The following ANKS1B variants were observed in gnomAD, a reference collection of about 807,000 sequenced individuals.
ANKS1B encodes ankyrin repeat and sterile alpha motif domain containing 1B, also known as ankyrin repeat and sterile alpha motif domain-containing protein 1B.
ANKS1B carries 36 observed loss-of-function variants against 148.3 expected under a neutral mutation model. The observed-to-expected ratio is 0.24, with a 90% CI of 0.19 to 0.32. The LOEUF is 0.32. ANKS1B is among the 10% of genes least tolerant of loss of function. The pLI is 1.00. For synonymous variants in ANKS1B, 542 were observed against 560.8 expected (o/e 0.97, Z 0.47); for missense variants, 1,157 against 1,542.6 (o/e 0.75, Z 4.19).
At chr12:99,673,883 A>T (rs1361280705) in intron 8 of ANKS1B, among the ~76,000 whole-genome samples, 1 of 151,700 alleles carries the variant, frequency 6.6e-6, no homozygotes, top group Non-Finnish European at 1.5e-5. Context: ...AGAACTCAAG[A>T]TCAGCTCAAA....
chr12:99,891,276 A>G (rs78721776), intron 1 of ANKS1B, among the ~76,000 whole-genome samples: 1 of 152,262 alleles, frequency 6.6e-6, no homozygotes, highest in East Asian at 1.9e-4. Context: ...CAATGCCAAA[A>G]TTTATTATTG....
intron 12 of ANKS1B, among the ~76,000 whole-genome samples, chr12:99,327,985 T>A (rs937035132): frequency 6.6e-6 from 1 of 152,014 alleles, no homozygotes; most frequent in African/African-American, 2.4e-5. Flanking sequence ...TACATACAGA[T>A]GAATAAATTT....
intron 11 of ANKS1B, among the ~76,000 whole-genome samples, chr12:99,413,168 T>A (rs2094776070): frequency 1.3e-5 from 2 of 152,230 alleles, no homozygotes; most frequent in Non-Finnish European, 2.9e-5. Context: ...GTTGTCTCAT[T>A]GAAGCCTATA....
intron 1 of ANKS1B, among the ~76,000 whole-genome samples, chr12:99,837,774 T>C (rs1466410789): frequency 6.6e-6 from 1 of 152,154 alleles, no homozygotes; most frequent in Non-Finnish European, 1.5e-5. Context: ...TATAATAAAG[T>C]GGAGACATTT....
intron 9 of ANKS1B, among the ~76,000 whole-genome samples, chr12:99,546,733 T>C (rs1029246590): frequency 1.2e-4 from 19 of 152,070 alleles, no homozygotes; most frequent in Admixed American, 5.9e-4. Flanking sequence ...GTGAAAGAAA[T>C]CAGATGGAGT....
Position 99,379,599 on chromosome 12 carries a change from A to C in ANKS1B, c.1756+20032T>G, listed in dbSNP as rs533321647. On this transcript the variant is annotated intron_variant, in intron 12 of 26. Transcript: ENST00000683438. Reference sequence around the variant, plus strand: ...CTCTCAAATTACTGGGAGTTCAAAAATGAATCTTGTTGAGTGAAGAAAATT... The same window carrying C: ...CTCTCAAATTACTGGGAGTTCAAAACTGAATCTTGTTGAGTGAAGAAAATT... Among the ~76,000 whole-genome samples, 96 of 152,368 alleles carry C rather than the reference A, an allele frequency of 6.3e-4. 1 individual carries two copies. The Middle Eastern group carries it at 0.01, about 16-fold the overall frequency.
chr12:99,809,390 A>T (rs530859748), intron 3 of ANKS1B, among the ~76,000 whole-genome samples: 2 of 152,140 alleles, frequency 1.3e-5, no homozygotes, highest in African/African-American at 4.8e-5. Flanking sequence ...AAGAAAAAAA[A>T]AAAGAGGAAG....
At chr12:98,895,701 A>G (rs1266182656) in intron 17 of ANKS1B, among the ~76,000 whole-genome samples, 2 of 152,122 alleles carry the variant, frequency 1.3e-5, no homozygotes, top group Non-Finnish European at 2.9e-5. Flanking sequence ...TAAGGTTCAA[A>G]TACTCCTCAC....
chr12:99,340,721 C>T (rs79794736), intron 12 of ANKS1B, among the ~76,000 whole-genome samples: 3 of 151,760 alleles, frequency 2.0e-5, no homozygotes, highest in Non-Finnish European at 4.4e-5. Flanking sequence ...TTACCAATTA[C>T]CTTACACAGT....
downstream of ANKS1B, among the ~76,000 whole-genome samples, chr12:98,739,627 G>A (rs1346783871): frequency 1.3e-5 from 2 of 151,756 alleles, no homozygotes; most frequent in African/African-American, 4.8e-5. Flanking sequence ...GCTGTCTTCT[G>A]CCATCTTGAT....
At chr12:99,084,821 C>A in intron 16 of ANKS1B, 104 bp downstream of exon 16, 1 of 816,892 alleles carries the variant, frequency 1.2e-6, no homozygotes, top group South Asian at 2.0e-5. Flanking sequence ...GAGGTTGCAT[C>A]AATATGTAGA....
intron 25 of ANKS1B, among the ~76,000 whole-genome samples, chr12:98,771,056 T>C (rs1267134039): frequency 3.9e-5 from 6 of 152,218 alleles, no homozygotes; most frequent in Non-Finnish European, 8.8e-5. Context: ...ACATTTGTTA[T>C]TTCCTTTAAT....
At chr12:98,765,674 T>C (rs1224205997) in intron 25 of ANKS1B, among the ~76,000 whole-genome samples, 1 of 150,734 alleles carries the variant, frequency 6.6e-6, no homozygotes, top group Admixed American at 6.6e-5. Context: ...CGAGTGATTC[T>C]CCTGTCTCAG....
intron 12 of ANKS1B, among the ~76,000 whole-genome samples, chr12:99,254,937 A>G (rs1238323609): frequency 6.6e-6 from 1 of 152,182 alleles, no homozygotes; most frequent in East Asian, 1.9e-4. Context: ...GGATCTTTCC[A>G]TCTATGTTCA....
chr12:99,367,240 T>C (rs1681653979), intron 12 of ANKS1B, among the ~76,000 whole-genome samples: 1 of 151,950 alleles, frequency 6.6e-6, no homozygotes, highest in South Asian at 2.1e-4. Flanking sequence ...AAAATCCGAA[T>C]AGAAAATTGG....
In ANKS1B at chr12:99,782,101, G is replaced by A. The variant is rs755873067; in HGVS notation, c.670-4C>T. The A allele has an allele frequency of 5.0e-6, 7 of 1,401,804 alleles. No individual in the cohort carries two copies. The highest frequency in any genetic ancestry group is 2.6e-5 in the East Asian group (1 of 37,906). 86.8% of individuals were successfully genotyped at this position (1,401,804 alleles called of 1,614,324 possible). ...GAAGTGCACTCCCCTTTTCTGTCTG[G>A]AAAAAAAAAAGTAAGAAAAAAGAAA... On this transcript the variant is annotated splice_region_variant and splice_polypyrimidine_tract_variant and intron_variant, in intron 4 of 26. Coordinates refer to ENST00000683438, the MANE Select transcript of ANKS1B (RefSeq NM_001352186.2).
intron 8 of ANKS1B, among the ~76,000 whole-genome samples, chr12:99,720,526 C>T (rs2153554004): frequency 6.6e-6 from 1 of 152,328 alleles, no homozygotes; most frequent in South Asian, 2.1e-4. Flanking sequence ...AGTCCTCAGT[C>T]TTCAGGAAAG....
At chr12:99,819,459 C>G (rs189083924) in intron 2 of ANKS1B, among the ~76,000 whole-genome samples, 2 of 151,420 alleles carry the variant, frequency 1.3e-5, no homozygotes, top group Admixed American at 6.6e-5. Flanking sequence ...ATACAGATAG[C>G]TTATTATATG....
At chr12:99,183,574 C>T (rs1459896115) in intron 14 of ANKS1B, among the ~76,000 whole-genome samples, 1 of 152,068 alleles carries the variant, frequency 6.6e-6, no homozygotes, top group East Asian at 1.9e-4. Context: ...AACCAGAAGG[C>T]GGAGGTTGCA....
Sources: allele counts gnomAD v4.1 joint callset (sites outside exome capture counted in the v4.1 genomes callset), GRCh38; gene constraint gnomAD v4.1.1; transcripts MANE v1.5; gene names NCBI Gene and HGNC (gene_info 2026-07-23, HGNC 2026-07-21).